The following MTCL3 variants were observed in gnomAD, a reference collection of about 807,000 sequenced individuals.
MTCL3 encodes the protein microtubule cross-linking factor 3.
chr6:127,493,365 T>C, the MTCL3 span, among the ~76,000 whole-genome samples: 11 of 152,226 alleles, frequency 7.2e-5, no homozygotes, highest in Non-Finnish European at 1.6e-4. Flanking sequence ...GCATTATTAA[T>C]TCATTGATTC....
the MTCL3 span, among the ~76,000 whole-genome samples, chr6:127,505,715 T>C: frequency 6.6e-6 from 1 of 152,140 alleles, no homozygotes; most frequent in African/African-American, 2.4e-5. Context: ...TCCATTTTTT[T>C]AAATTAAAAA....
chr6:127,500,538 T>C, the MTCL3 span, among the ~76,000 whole-genome samples: 1 of 152,202 alleles, frequency 6.6e-6, no homozygotes, highest in Non-Finnish European at 1.5e-5. Context: ...TTAACTTTTA[T>C]TTTAAGTTCA....
the MTCL3 span, chr6:127,481,342 G>C: frequency 1.0e-6 from 1 of 985,266 alleles, no homozygotes; most frequent in Non-Finnish European, 1.2e-6. Flanking sequence ...GAGTGGAAAA[G>C]CTGTAGTGAC....
chr6:127,509,415 T>C, the MTCL3 span, among the ~76,000 whole-genome samples: 1 of 152,188 alleles, frequency 6.6e-6, no homozygotes, highest in Non-Finnish European at 1.5e-5. Flanking sequence ...CCCTTGAAGC[T>C]AATTAAATTT....
chr6:127,496,022 G>A, the MTCL3 span, among the ~76,000 whole-genome samples: 1 of 152,038 alleles, frequency 6.6e-6, no homozygotes, highest in African/African-American at 2.4e-5. Context: ...CTGAGCTCAG[G>A]AGTTTGAGAC....
the MTCL3 span, among the ~76,000 whole-genome samples, chr6:127,515,297 C>T: frequency 7.2e-5 from 11 of 152,236 alleles, no homozygotes; most frequent in Admixed American, 2.0e-4. The surrounding 1 kb of genome is among the most constrained non-coding windows in gnomAD (Gnocchi z 4.3). Flanking sequence ...ATTAGAGAAA[C>T]GGAGGCCCAG....
chr6:127,514,902 G>A, the MTCL3 span: 1 of 1,614,072 alleles, frequency 6.2e-7, no homozygotes, highest in Non-Finnish European at 8.5e-7. Flanking sequence ...TTTGCGCTCG[G>A]CTTTGCGGAG....
chr6:127,510,426 C>A, the MTCL3 span, among the ~76,000 whole-genome samples: 1 of 152,178 alleles, frequency 6.6e-6, no homozygotes, highest in African/African-American at 2.4e-5. Flanking sequence ...CAAGCTCTAC[C>A]CTTTCTTCCT....
chr6:127,517,027 A>C, the MTCL3 span, among the ~76,000 whole-genome samples: 7 of 152,186 alleles, frequency 4.6e-5, no homozygotes, highest in African/African-American at 1.7e-4. Flanking sequence ...AAAGAGGATA[A>C]AGTGGAAAAG....
the MTCL3 span, among the ~76,000 whole-genome samples, chr6:127,513,335 A>G: frequency 5.3e-5 from 8 of 152,198 alleles, no homozygotes; most frequent in African/African-American, 1.9e-4. Context: ...CTGCTGGGCT[A>G]AGAGGCCTGG....
chr6:127,482,927 G>T, the MTCL3 span: 1 of 1,608,090 alleles, frequency 6.2e-7, no homozygotes, highest in Non-Finnish European at 8.5e-7. This position sits in a 1 kb window ranked among gnomAD's most constrained non-coding sequence, Gnocchi z 4.1. Flanking sequence ...GTGGGAGTCT[G>T]TTGAGCCTTT....
the MTCL3 span, among the ~76,000 whole-genome samples, chr6:127,484,054 G>T: frequency 6.6e-6 from 1 of 152,174 alleles, no homozygotes; most frequent in Non-Finnish European, 1.5e-5. Context: ...AAAAATACTT[G>T]CTGAACTAAT....
At chr6:127,518,947 G>A in the MTCL3 span, 1 of 152,286 alleles carries the variant, frequency 6.6e-6, no homozygotes, top group Non-Finnish European at 1.5e-5. Flanking sequence ...TCACCGAACT[G>A]GGCAGGAGAG....
chr6:127,515,493 G>C, the MTCL3 span: 7 of 1,401,018 alleles, frequency 5.0e-6, no homozygotes, highest in Non-Finnish European at 6.5e-6. This position sits in a 1 kb window ranked among gnomAD's most constrained non-coding sequence, Gnocchi z 4.3. Flanking sequence ...TCCCCCAGCC[G>C]GGTCCCCCCA....
the MTCL3 span, among the ~76,000 whole-genome samples, chr6:127,511,566 A>C: frequency 6.6e-6 from 1 of 152,060 alleles, no homozygotes; most frequent in Non-Finnish European, 1.5e-5. Context: ...GAACTGGATA[A>C]AAGTAGACAA....
chr6:127,514,905 T>G, the MTCL3 span: 1 of 1,614,180 alleles, frequency 6.2e-7, no homozygotes, highest in South Asian at 1.1e-5. Flanking sequence ...GCGCTCGGCT[T>G]TGCGGAGGCG....
chr6:127,505,406 C>T, the MTCL3 span, among the ~76,000 whole-genome samples: 1 of 152,310 alleles, frequency 6.6e-6, no homozygotes, highest in South Asian at 2.1e-4. Flanking sequence ...CCTTAGCAAA[C>T]TAACACAGGA....
the MTCL3 span, among the ~76,000 whole-genome samples, chr6:127,510,312 C>T: frequency 6.6e-6 from 1 of 152,194 alleles, no homozygotes; most frequent in Non-Finnish European, 1.5e-5. Context: ...GAACAGCATT[C>T]TCCCAACCCA....
chr6:127,501,165 G>A, the MTCL3 span, among the ~76,000 whole-genome samples: 1 of 152,088 alleles, frequency 6.6e-6, no homozygotes, highest in African/African-American at 2.4e-5. Context: ...ACTGAGAATT[G>A]TACATGTATT....
Sources: gnomAD v4.1 joint callset for allele counts (sites outside exome capture counted in the v4.1 genomes callset) on GRCh38, gnomAD v4.1.1 for gene constraint, Gnocchi (gnomAD v3.1) non-coding constraint, MANE v1.5 for transcripts, NCBI Gene and HGNC (gene_info 2026-07-23, HGNC 2026-07-21) for gene names.